SDSL: variants seen among roughly 807,000 people sequenced by gnomAD.
The protein encoded by SDSL is serine dehydratase-like.
A neutral mutation model predicts 27.6 loss-of-function variants in SDSL; 26 were observed. That is an observed-to-expected ratio of 0.94 (90% confidence interval 0.69 to 1.31). The LOEUF is 1.31. Ranked by LOEUF, SDSL falls within the 50% of genes most tolerant of loss-of-function variation. SDSL has a pLI of 0.00. For missense variants in SDSL, 431 were observed against 423.5 expected (o/e 1.02, Z -0.16); for synonymous variants, 196 against 180.6 (o/e 1.09, Z -0.69).
At chr12:113,426,388 C>T (rs1176006800) in intron 1 of SDSL, 1 of 353,440 alleles carries the variant, frequency 2.8e-6, no homozygotes, top group African/African-American at 2.1e-5. Flanking sequence ...AAACCCCAAA[C>T]CACAACCAAC....
At chr12:113,433,313 G>GC (rs1462890221) in intron 4 of SDSL, among the ~76,000 whole-genome samples, 1 of 152,098 alleles carries the variant, frequency 6.6e-6, no homozygotes, top group African/African-American at 2.4e-5. Context: ...GGCTAGTTCT[G>GC]CCCCCCTTGT....
At position 113,435,348 on chromosome 12, in the gene SDSL, G is replaced by C. The variant is rs781608206; in HGVS notation, c.463G>C (p.Val155Leu). 3.2e-6 allele frequency: 5 copies of C among 1,552,882 alleles called. No homozygotes were observed. Among genetic ancestry groups the C allele is most frequent in the Admixed American group, 3.9e-5 (2 of 50,846 alleles). ...CCCCAGGAAAGGCCACGCCAGCCTG[G>C]TGCAGGAGCTGAAAGCAGTGCTGAG... ...PLIWKGHASLVQELKAVLRTP... is the reference protein window; with the variant it reads ...PLIWKGHASLLQELKAVLRTP... Residue 155 changes from valine to leucine, a missense_variant, in exon 6 of 8, where the codon GTG becomes CTG. By Grantham distance (32) the Val-to-Leu change is conservative. Coordinates refer to ENST00000403593, the MANE Select transcript of SDSL (RefSeq NM_001304993.2).
chr12:113,435,592 G>T, intron 6 of SDSL, 36 bp downstream of exon 6: 1 of 1,560,676 alleles, frequency 6.4e-7, no homozygotes, highest in South Asian at 1.2e-5. Context: ...AGGGGCTGGA[G>T]GGTGGGTGTG....
intron 2 of SDSL, 69 bp downstream of exon 2, chr12:113,428,225 G>T: frequency 8.1e-6 from 12 of 1,479,752 alleles, no homozygotes; most frequent in Middle Eastern, 1.7e-4. Context: ...AGGGGTGTGG[G>T]CTGGGGACGG....
rs1384591085 is a variant in SDSL at position 113,435,328 on chromosome 12, G to C, written c.444-1G>C. The C allele has an allele frequency of 1.3e-6, 2 of 1,506,102 alleles. No homozygotes were observed. The highest frequency in any genetic ancestry group is 1.8e-6 in the Non-Finnish European group (2 of 1,124,278). The allele number at this position is 1,506,102 out of a possible 1,614,324, so 93.3% of individuals were successfully genotyped here. On this transcript the variant is annotated splice_acceptor_variant, in intron 5 of 7. Coordinates refer to ENST00000403593, the MANE Select transcript of SDSL (RefSeq NM_001304993.2). LOFTEE classifies it high-confidence loss of function. ...TTCTCCCTCTCACCCCCCCTCCCCA[G>C]GAAAGGCCACGCCAGCCTGGTGCAG...
chr12:113,430,141 C>T (rs113199998), intron 4 of SDSL, among the ~76,000 whole-genome samples: 166 of 126,018 alleles, frequency 1.3e-3, no homozygotes, highest in African/African-American at 5.9e-3. Context: ...CATCCATCCA[C>T]CCATCCATCC....
intron 2 of SDSL, 38 bp downstream of exon 2, chr12:113,428,194 T>C (rs1957874491): frequency 6.4e-7 from 1 of 1,559,960 alleles, no homozygotes; most frequent in Non-Finnish European, 8.7e-7. Flanking sequence ...AGTGAGGTTG[T>C]GCAGGAGGGA....
intron 6 of SDSL, among the ~76,000 whole-genome samples, chr12:113,436,310 A>G (rs1957992293): frequency 6.7e-6 from 1 of 149,346 alleles, no homozygotes; most frequent in African/African-American, 2.5e-5. Flanking sequence ...TTTTTTTGAG[A>G]TGGAATCTCA....
At chr12:113,428,622 G>A (rs1310119416) in intron 3 of SDSL, among the ~76,000 whole-genome samples, 163 bp downstream of exon 3, 2 of 152,076 alleles carry the variant, frequency 1.3e-5, no homozygotes, top group Non-Finnish European at 2.9e-5. Context: ...TTCTCCCATA[G>A]TTCAGGACTC....
chr12:113,437,736 C>T (rs563804927), intron 7 of SDSL, 150 bp from the exon 8 acceptor site: 22 of 703,066 alleles, frequency 3.1e-5, no homozygotes, highest in Admixed American at 1.5e-4. Context: ...ATGGGGAGAG[C>T]GTGAGACAAG....
rs1593311089 is a variant in SDSL, at chr12:113,429,271, A to G, written c.326A>G (p.Glu109Gly). ...CAGGTGGTGCAGAGGCTGCAGGGGGAGGGGGCCGAGGTTCAGCTGACTGGA... is the reference window on the plus strand; with the variant it reads ...CAGGTGGTGCAGAGGCTGCAGGGGGGGGGGGCCGAGGTTCAGCTGACTGGA... ...SLQVVQRLQG[E>G]GAEVQLTGKV... The change falls in exon 4 of 8, where the codon GAG (glutamate) becomes GGG (glycine). Residue 109 changes from glutamate to glycine, a missense_variant. Physicochemically the swap from Glu to Gly is moderately conservative, Grantham distance 98 (BLOSUM62 -2). Transcript: ENST00000403593. 4 of 1,609,464 alleles carry G rather than the reference A, an allele frequency of 2.5e-6. No individual in the cohort carries two copies. The highest frequency in any genetic ancestry group is 1.7e-5 in the Admixed American group (1 of 59,834).
At position 113,428,470 on chromosome 12, in the gene SDSL, CT is replaced by C. The variant is rs753666811; in HGVS notation, c.214+18del. ...TGGTGTGCTCCTCAGGTGACCCCAC[CT>C]TTTTTTGTTTCATGGGCAGAGGTTG... is the stretch of plus-strand genomic sequence containing the variant. On this transcript the variant is annotated intron_variant, in intron 3 of 7. Coordinates refer to ENST00000403593, the MANE Select transcript of SDSL (RefSeq NM_001304993.2). The C allele has an allele frequency of 6.2e-6, 10 of 1,610,114 alleles. No homozygotes were observed. The highest frequency in any genetic ancestry group is 2.2e-5 in the East Asian group (1 of 44,842).
intron 4 of SDSL, among the ~76,000 whole-genome samples, chr12:113,432,211 T>TG (rs1249802681): frequency 9.8e-4 from 1 of 1,018 alleles, no homozygotes; most frequent in Admixed American, 8.9e-3. Context: ...TTTGTTTGCT[T>TG]CTTTCTTTCT....
intron 7 of SDSL, 60 bp from the exon 8 acceptor site, chr12:113,437,826 C>A: frequency 2.7e-6 from 4 of 1,480,990 alleles, no homozygotes; most frequent in Non-Finnish European, 2.7e-6. Context: ...CCAGGGCCTG[C>A]TGAGCACCGA....
intron 3 of SDSL, 137 bp from the exon 4 acceptor site, chr12:113,429,023 T>C: frequency 9.8e-7 from 1 of 1,018,358 alleles, no homozygotes; most frequent in South Asian, 1.8e-5. Flanking sequence ...TGTGTCCCCC[T>C]CTTGAGTGGA....
chr12:113,429,334 G>A, intron 4 of SDSL, 35 bp downstream of exon 4: 1 of 1,585,296 alleles, frequency 6.3e-7, no homozygotes, highest in Non-Finnish European at 8.6e-7. Flanking sequence ...CCATCTGGGT[G>A]GGCTGCTCTC....
chr12:113,434,022 C>T (rs1957962006), intron 4 of SDSL, 112 bp from the exon 5 acceptor site: 3 of 805,748 alleles, frequency 3.7e-6, no homozygotes, highest in Admixed American at 2.2e-5. Flanking sequence ...ATCTGCAGGG[C>T]TGTCCCCAGA....
chr12:113,428,392 C>G, intron 2 of SDSL, 28 bp from the exon 3 acceptor site: 4 of 1,605,324 alleles, frequency 2.5e-6, no homozygotes, highest in Non-Finnish European at 3.4e-6. Context: ...CTTGGGTTAG[C>G]CGCTAACCCC....
chr12:113,423,766 AAAGCGG>A (rs1468057504), intron 1 of SDSL, among the ~76,000 whole-genome samples: 1 of 152,100 alleles, frequency 6.6e-6, no homozygotes, highest in Non-Finnish European at 1.5e-5. Context: ...AAAAAACAAG[AAAGCGG>A]AAGGATTATG....
Sources: allele counts gnomAD v4.1 joint callset (sites outside exome capture counted in the v4.1 genomes callset), GRCh38; gene constraint gnomAD v4.1.1; transcripts MANE v1.5; gene names NCBI Gene and HGNC (gene_info 2026-07-23, HGNC 2026-07-21).